The following SPRED1 variants were observed in gnomAD, a reference collection of about 807,000 sequenced individuals.
SPRED1 encodes the protein sprouty related EVH1 domain containing 1, also known as sprouty-related, EVH1 domain-containing protein 1.
SPRED1 carries 18 observed loss-of-function variants against 52.3 expected under a neutral mutation model. That is an observed-to-expected ratio of 0.34 (90% CI 0.24 to 0.51). The LOEUF is 0.51. SPRED1 is among the 20% of genes least tolerant of loss of function. SPRED1 has a pLI of 0.97. For missense variants in SPRED1, 485 were observed against 551.0 expected (o/e 0.88, Z 1.20); for synonymous variants, 155 against 179.7 (o/e 0.86, Z 1.10).
chr15:38,327,526 C>T (rs1895729598), intron 4 of SPRED1, among the ~76,000 whole-genome samples: 1 of 152,114 alleles, frequency 6.6e-6, no homozygotes, highest in African/African-American at 2.4e-5. Flanking sequence ...AGCCACTATA[C>T]GTGAAGACAC....
intron 2 of SPRED1, among the ~76,000 whole-genome samples, chr15:38,308,753 T>C (rs958191251): frequency 8.5e-5 from 13 of 152,184 alleles, no homozygotes; most frequent in African/African-American, 3.1e-4. Context: ...CTGTTTCCAG[T>C]TTGGGACTAA....
chr15:38,309,209 T>C (rs1354018184), intron 2 of SPRED1, among the ~76,000 whole-genome samples: 1 of 152,150 alleles, frequency 6.6e-6, no homozygotes, highest in Admixed American at 6.5e-5. Flanking sequence ...GGCGTGATCT[T>C]GGCTCGCTAC....
chr15:38,340,556 A>G (rs1643663371), intron 5 of SPRED1, among the ~76,000 whole-genome samples: 1 of 151,908 alleles, frequency 6.6e-6, no homozygotes, highest in African/African-American at 2.4e-5. Flanking sequence ...TTTTTGAGAC[A>G]GAGTCTCGCT....
chr15:38,295,610 A>G (rs755564948), intron 1 of SPRED1, among the ~76,000 whole-genome samples: 2 of 152,182 alleles, frequency 1.3e-5, no homozygotes, highest in Non-Finnish European at 2.9e-5. Context: ...TTGTGCTACA[A>G]TGCTTGTTAA....
intron 6 of SPRED1, 99 bp from the exon 7 acceptor site, chr15:38,350,915 T>G: frequency 8.3e-7 from 1 of 1,199,752 alleles, no homozygotes; most frequent in Non-Finnish European, 1.2e-6. Flanking sequence ...ATGTCCAGAA[T>G]AATATTTCAA....
intron 5 of SPRED1, among the ~76,000 whole-genome samples, chr15:38,348,378 G>T (rs1896184328): frequency 6.6e-6 from 1 of 151,576 alleles, no homozygotes; most frequent in African/African-American, 2.4e-5. Context: ...TAAATGCAGA[G>T]ACCAAGGGCA....
chr15:38,285,779 G>A (rs561959501), intron 1 of SPRED1, among the ~76,000 whole-genome samples: 1 of 152,272 alleles, frequency 6.6e-6, no homozygotes, highest in Non-Finnish European at 1.5e-5. Context: ...TATACTTAAA[G>A]CTCATGTTTT....
intron 5 of SPRED1, among the ~76,000 whole-genome samples, chr15:38,341,920 T>C (rs1896038049): frequency 1.3e-5 from 2 of 152,018 alleles, no homozygotes; most frequent in Admixed American, 6.6e-5. Context: ...TTTTTTGATA[T>C]CTGATTACTT....
chr15:38,334,584 G>T (rs765421731), intron 4 of SPRED1, among the ~76,000 whole-genome samples: 2 of 151,934 alleles, frequency 1.3e-5, no homozygotes, highest in Non-Finnish European at 2.9e-5. Context: ...CCTTCTATCA[G>T]TTAGACAAAT....
intron 1 of SPRED1, among the ~76,000 whole-genome samples, chr15:38,285,071 T>C (rs1408654913): frequency 6.6e-6 from 1 of 152,142 alleles, no homozygotes; most frequent in African/African-American, 2.4e-5. Context: ...ATTTTTTTGC[T>C]CCCAGCTCCT....
At position 38,263,959 on chromosome 15, in the gene SPRED1, G is replaced by A. The variant is rs564566705; in HGVS notation, c.32+10742G>A. ...CTGTAGATTAAAGAGAAAATAAGAAGTGCTGAAGCAGAGAAGTCATAGAGT... is the reference window on the plus strand; with the variant it reads ...CTGTAGATTAAAGAGAAAATAAGAAATGCTGAAGCAGAGAAGTCATAGAGT... On this transcript the variant is annotated intron_variant, in intron 1 of 6. Transcript: ENST00000299084. Among the ~76,000 whole-genome samples, 9 of 152,324 alleles carry A rather than the reference G, an allele frequency of 5.9e-5. No individual in the cohort carries two copies. The East Asian group carries it at 1.7e-3, about 29-fold the overall frequency.
intron 4 of SPRED1, among the ~76,000 whole-genome samples, chr15:38,325,562 G>A (rs968646693): frequency 2.3e-4 from 35 of 151,986 alleles, no homozygotes; most frequent in African/African-American, 4.8e-5. Context: ...TGAGAAGGCC[G>A]AATTCTATTT....
Position 38,352,762 on chromosome 15 carries a change from C to T in SPRED1, c.*1098C>T, listed in dbSNP as rs1888519898. 1 of 152,064 alleles carries T rather than the reference C, an allele frequency of 6.6e-6. No individual in the cohort carries two copies. The highest frequency in any genetic ancestry group is 1.5e-5 in the Non-Finnish European group (1 of 67,960). 9.4% of individuals were successfully genotyped at this position (152,064 alleles called of 1,614,324 possible). On this transcript the variant is annotated 3_prime_UTR_variant, in exon 7 of 7. Transcript: ENST00000299084. ...GTGTTACTAATTTTTCAGCTTAATCCTCAGTGCTTATTATTTACATAACAA... is the reference window on the plus strand; with the variant it reads ...GTGTTACTAATTTTTCAGCTTAATCTTCAGTGCTTATTATTTACATAACAA...
At chr15:38,299,283 A>C (rs1387485506) in intron 1 of SPRED1, 90 bp from the exon 2 acceptor site, 1 of 1,342,502 alleles carries the variant, frequency 7.4e-7, no homozygotes, top group African/African-American at 1.4e-5. Flanking sequence ...ATGTTAACTA[A>C]TGTGTTCTTT....
chr15:38,253,399 A>G (rs1242165319), intron 1 of SPRED1, among the ~76,000 whole-genome samples, 182 bp downstream of exon 1: 1 of 151,786 alleles, frequency 6.6e-6, no homozygotes, highest in Non-Finnish European at 1.5e-5. Context: ...CCATCCTCCC[A>G]CATTTAGCTG....
chr15:38,336,414 A>ATGTG (rs1303726215), intron 4 of SPRED1, among the ~76,000 whole-genome samples: 1 of 48,282 alleles, frequency 2.1e-5, no homozygotes, highest in Non-Finnish European at 4.4e-5. Flanking sequence ...GTGTATGTGT[A>ATGTG]TGTGTGTGTA....
intron 1 of SPRED1, among the ~76,000 whole-genome samples, chr15:38,267,362 C>G (rs1054085590): frequency 6.6e-6 from 1 of 151,982 alleles, no homozygotes; most frequent in African/African-American, 2.4e-5. Flanking sequence ...CATCTTTTTG[C>G]ATATAAATAT....
At chr15:38,310,813 T>A (rs1240809245) in intron 2 of SPRED1, among the ~76,000 whole-genome samples, 1 of 152,220 alleles carries the variant, frequency 6.6e-6, no homozygotes, top group African/African-American at 2.4e-5. Flanking sequence ...CATTTGTTGT[T>A]CTTGTATCCT....
Position 38,353,123 on chromosome 15 carries a change from A to T in SPRED1, c.*1459A>T, listed in dbSNP as rs1888530670. On this transcript the variant is annotated 3_prime_UTR_variant, in exon 7 of 7. Coordinates refer to ENST00000299084, the MANE Select transcript of SPRED1 (RefSeq NM_152594.3). Reference sequence around the variant, plus strand: ...TTAAGAACATTCCCTTAGAGGGATAAAGTTGAGAAGTGTGCCTTTTTTTTA... The same window carrying T: ...TTAAGAACATTCCCTTAGAGGGATATAGTTGAGAAGTGTGCCTTTTTTTTA... 6.6e-6 allele frequency: 1 copy of T among 152,476 alleles called. No homozygotes were observed. Among genetic ancestry groups the T allele is most frequent in the African/African-American group, 2.4e-5 (1 of 41,432 alleles). The allele number at this position is 152,476 out of a possible 1,614,324, so 9.4% of individuals were successfully genotyped here. A position where few individuals can be genotyped will look rare whatever the true frequency, so the allele number is the denominator to read the frequency against.
Sources: gnomAD v4.1 joint callset for allele counts (sites outside exome capture counted in the v4.1 genomes callset) on GRCh38, gnomAD v4.1.1 for gene constraint, MANE v1.5 for transcripts, NCBI Gene and HGNC (gene_info 2026-07-23, HGNC 2026-07-21) for gene names.